The following CFAP61 variants were observed in gnomAD, a reference collection of about 807,000 sequenced individuals.
CFAP61 encodes the protein cilia and flagella associated protein 61, also known as cilia- and flagella-associated protein 61.
In CFAP61, 107 loss-of-function variants were observed where a neutral mutation model predicts 135.6. That is an observed-to-expected ratio of 0.79 (90% confidence interval 0.67 to 0.93). The LOEUF (loss-of-function observed/expected upper bound fraction) is 0.93, where lower values mean the gene tolerates loss of function less well. CFAP61 is among the 40% of genes least tolerant of loss of function. The pLI is 0.00. For missense variants in CFAP61, 1,507 were observed against 1,556.2 expected, an observed-to-expected ratio of 0.97 and a Z score of 0.53; for synonymous variants, 575 against 578.5, an observed-to-expected ratio of 0.99 and a Z score of 0.09.
chr20:20,256,135 C>T (rs945847659), intron 20 of CFAP61, among the ~76,000 whole-genome samples: 7 of 152,166 alleles, frequency 4.6e-5, no homozygotes, highest in Admixed American at 2.6e-4. Context: ...TCAGTCCATC[C>T]ACCAGCTGAA....
chr20:20,074,059 GGA>G (rs1470817076), intron 3 of CFAP61: 1 of 532,970 alleles, frequency 1.9e-6, no homozygotes, highest in Admixed American at 3.2e-5. Context: ...CGGGTGCTCT[GGA>G]CTCATTTACA....
chr20:20,108,281 A>G (rs2048550960), intron 8 of CFAP61, among the ~76,000 whole-genome samples: 1 of 152,336 alleles, frequency 6.6e-6, no homozygotes, highest in African/African-American at 2.4e-5. Flanking sequence ...GACTTCAACT[A>G]TAGCAAATTT....
intron 7 of CFAP61, among the ~76,000 whole-genome samples, chr20:20,097,808 T>C (rs1244427854): frequency 1.3e-5 from 2 of 152,108 alleles, no homozygotes; most frequent in African/African-American, 4.8e-5. Context: ...TTCCCTCATA[T>C]CTCCTCCCTA....
chr20:20,157,709 A>C (rs938275557), intron 9 of CFAP61, among the ~76,000 whole-genome samples: 4 of 152,232 alleles, frequency 2.6e-5, no homozygotes, highest in Non-Finnish European at 5.9e-5. Flanking sequence ...ACCTTGGGTT[A>C]GGTAAGATTT....
chr20:20,253,469 G>A (rs1240086901), intron 20 of CFAP61: 1 of 358,394 alleles, frequency 2.8e-6, no homozygotes, highest in African/African-American at 2.1e-5. Flanking sequence ...AGCTCTGTGA[G>A]TCTGGCCACA....
chr20:20,358,073 CTGAGGGGAGGTGGTCACACTG>C (rs2059325176), intron 26 of CFAP61, among the ~76,000 whole-genome samples: 4 of 133,432 alleles, frequency 3.0e-5, no homozygotes, highest in Admixed American at 7.6e-5. Context: ...GGTGGTCACA[CTGAGGGGAGGTGGTCACACTG>C]TGAGGGGAGG....
At position 20,170,188 on chromosome 20, in the gene CFAP61, A is replaced by C. The variant is rs574947978; in HGVS notation, c.1385+728A>C. Among the ~76,000 whole-genome samples the C allele has an allele frequency of 7.6e-4, 116 of 152,310 alleles. 1 individual carries two copies. The highest frequency in any genetic ancestry group is 2.0e-3 in the African/African-American group (82 of 41,562). On this transcript the variant is annotated intron_variant, in intron 13 of 26. Transcript: ENST00000245957. ...TTGAGAAAGTAATACGGAGTGCTGG[A>C]TGAGGAAAGTGAGTGAAGATTGACC... is the stretch of plus-strand genomic sequence containing the variant.
chr20:20,144,395 T>A (rs1017956655), intron 9 of CFAP61, among the ~76,000 whole-genome samples: 2 of 132,666 alleles, frequency 1.5e-5, no homozygotes, highest in East Asian at 2.0e-4. Context: ...AAATCAAACT[T>A]CTAGAGATTA....
chr20:20,347,559 A>G (rs981238846), intron 26 of CFAP61, among the ~76,000 whole-genome samples: 1 of 152,208 alleles, frequency 6.6e-6, no homozygotes, highest in African/African-American at 2.4e-5. Flanking sequence ...TATGGAAATA[A>G]AAAAGGATTA....
chr20:20,241,545 A>G (rs1341868588), intron 18 of CFAP61, among the ~76,000 whole-genome samples: 4 of 152,214 alleles, frequency 2.6e-5, no homozygotes, highest in Non-Finnish European at 5.9e-5. Context: ...GGATAATGCA[A>G]TGTGGTAGTT....
chr20:20,063,945 A>C (rs990182043), intron 2 of CFAP61, among the ~76,000 whole-genome samples: 1 of 152,182 alleles, frequency 6.6e-6, no homozygotes, highest in African/African-American at 2.4e-5. Context: ...TAAAGTACCT[A>C]GTATAAAACT....
At chr20:20,094,027 G>C (rs1461264986) in intron 7 of CFAP61, among the ~76,000 whole-genome samples, 1 of 152,108 alleles carries the variant, frequency 6.6e-6, no homozygotes, top group Non-Finnish European at 1.5e-5. Context: ...GTGCAGTCCA[G>C]GTGGTGAAAC....
At chr20:20,054,778 T>C (rs180785976) in intron 1 of CFAP61, among the ~76,000 whole-genome samples, 36 of 152,392 alleles carry the variant, frequency 2.4e-4, no homozygotes, top group African/African-American at 8.7e-4. Context: ...ATAGACAGTC[T>C]GTCTTTTGTC....
At chr20:20,129,567 C>T (rs1465189095) in intron 8 of CFAP61, among the ~76,000 whole-genome samples, 1 of 149,428 alleles carries the variant, frequency 6.7e-6, no homozygotes, top group Non-Finnish European at 1.5e-5. Context: ...GTTTGATGCT[C>T]TCTCATCTTC....
chr20:20,289,331 G>A (rs2054832984), intron 23 of CFAP61, among the ~76,000 whole-genome samples: 2 of 149,562 alleles, frequency 1.3e-5, no homozygotes, highest in Admixed American at 6.8e-5. Flanking sequence ...AGGCAGCCAG[G>A]CCTCAGCCTG....
chr20:20,082,020 A>G (rs1291020004), intron 6 of CFAP61, among the ~76,000 whole-genome samples: 1 of 152,190 alleles, frequency 6.6e-6, no homozygotes, highest in African/African-American at 2.4e-5. Flanking sequence ...GAGTTTTGAT[A>G]CTTGCAGGCA....
intron 13 of CFAP61, among the ~76,000 whole-genome samples, chr20:20,179,784 C>T (rs547963689): frequency 1.3e-5 from 2 of 152,308 alleles, no homozygotes; most frequent in East Asian, 3.9e-4. Flanking sequence ...AAAAAGGATT[C>T]CCTATTCAAT....
intron 26 of CFAP61, among the ~76,000 whole-genome samples, chr20:20,357,172 C>G (rs796638130): frequency 1.8e-4 from 15 of 81,244 alleles, no homozygotes; most frequent in East Asian, 4.3e-4. Context: ...GGTGGTCACA[C>G]TGAGGGGAGG....
At chr20:20,260,096 T>A (rs1223244372) in intron 20 of CFAP61, among the ~76,000 whole-genome samples, 4 of 152,220 alleles carry the variant, frequency 2.6e-5, no homozygotes, top group African/African-American at 9.7e-5. Context: ...AACAGGAATG[T>A]ATGGGTGTAA....
Sources: allele counts gnomAD v4.1 joint callset (sites outside exome capture counted in the v4.1 genomes callset), GRCh38; gene constraint gnomAD v4.1.1; transcripts MANE v1.5; gene names NCBI Gene and HGNC (gene_info 2026-07-23, HGNC 2026-07-21).